The following C1QTNF1 variants were observed in gnomAD, a reference collection of about 807,000 sequenced individuals.
C1QTNF1 encodes complement C1q tumor necrosis factor-related protein 1.
In C1QTNF1, 22 loss-of-function variants were observed where a neutral mutation model predicts 27.8. That is an observed-to-expected ratio of 0.79 (90% confidence interval 0.56 to 1.13). The LOEUF (loss-of-function observed/expected upper bound fraction) is 1.13, where lower values mean the gene tolerates loss of function less well. C1QTNF1 is among the 50% of genes most tolerant of loss of function. The pLI, the probability that C1QTNF1 is intolerant of heterozygous loss-of-function variation, is 0.00. For missense variants in C1QTNF1, 373 were observed against 380.2 expected, an observed-to-expected ratio of 0.98 and a Z score of 0.16; for synonymous variants, 166 against 154.3, an observed-to-expected ratio of 1.08 and a Z score of -0.56.
chr17:79,032,335 G>A (rs778310066), intron 1 of C1QTNF1, among the ~76,000 whole-genome samples: 41 of 152,210 alleles, frequency 2.7e-4, no homozygotes, highest in Non-Finnish European at 4.1e-4. Context: ...GACCTCAAGT[G>A]TGATCTGTTA....
At chr17:79,023,247 G>T (rs746375295), upstream of C1QTNF1, among the ~76,000 whole-genome samples, 1 of 151,994 alleles carries the variant, frequency 6.6e-6, no homozygotes. Context: ...CAGGGCAGAG[G>T]GGGGAAAAAA....
chr17:79,039,100 C>T (rs1398472766), intron 1 of C1QTNF1, among the ~76,000 whole-genome samples: 5 of 151,158 alleles, frequency 3.3e-5, no homozygotes, highest in South Asian at 2.1e-4. Flanking sequence ...TCTCTTCTGA[C>T]CAAGGTGTGG....
intron 1 of C1QTNF1, among the ~76,000 whole-genome samples, chr17:79,038,200 G>C (rs2072310835): frequency 6.6e-6 from 1 of 152,126 alleles, no homozygotes; most frequent in Non-Finnish European, 1.5e-5. Flanking sequence ...ATGTTGGCCA[G>C]GCTGGTCTTG....
chr17:79,033,586 G>A (rs1319510868), intron 1 of C1QTNF1, among the ~76,000 whole-genome samples: 1 of 151,780 alleles, frequency 6.6e-6, no homozygotes, highest in African/African-American at 2.4e-5. Flanking sequence ...TGTGCTTGTA[G>A]TTCCAGCTAC....
At chr17:79,037,007 C>A (rs1471805127) in intron 1 of C1QTNF1, among the ~76,000 whole-genome samples, 1 of 152,248 alleles carries the variant, frequency 6.6e-6, no homozygotes, top group Non-Finnish European at 1.5e-5. Context: ...AACCCAGGCA[C>A]ATAGTCCCAG....
intron 1 of C1QTNF1, among the ~76,000 whole-genome samples, chr17:79,043,097 C>T (rs183937096): frequency 4.7e-4 from 69 of 146,632 alleles, no homozygotes; most frequent in African/African-American, 1.7e-3. Context: ...TATGTGTGTG[C>T]ATGTGTGCAT....
intron 1 of C1QTNF1, among the ~76,000 whole-genome samples, chr17:79,042,249 C>T (rs62063355): frequency 0.15 from 22,230 of 152,304 alleles, 2,096 homozygotes; most frequent in African/African-American, 0.26. Context: ...CCTGCGACTC[C>T]TGATGCCAGA....
intron 1 of C1QTNF1, among the ~76,000 whole-genome samples, chr17:79,033,534 A>T (rs2072189975): frequency 6.6e-6 from 1 of 151,762 alleles, no homozygotes; most frequent in Non-Finnish European, 1.5e-5. Flanking sequence ...CTGTCTCTAA[A>T]AAAAAAAAAT....
intron 1 of C1QTNF1, among the ~76,000 whole-genome samples, chr17:79,025,383 G>A (rs916743780): frequency 6.6e-6 from 1 of 152,176 alleles, no homozygotes; most frequent in African/African-American, 2.4e-5. Flanking sequence ...CCCTGCTTGG[G>A]AGGGAGGGAG....
intron 1 of C1QTNF1, among the ~76,000 whole-genome samples, chr17:79,030,481 TTCTTTTTCTTTCTTTCTTTCTTTCTTTC>T (rs2072101357): frequency 9.0e-6 from 1 of 110,812 alleles, no homozygotes; most frequent in African/African-American, 3.4e-5. Flanking sequence ...CTTTCTTTCT[TTCTTTTTCTTTCTTTCTTTCTTTCTTTC>T]TTTCTTTCTT....
intron 1 of C1QTNF1, among the ~76,000 whole-genome samples, chr17:79,037,996 C>CT (rs905139081): frequency 0.024 from 3,491 of 144,476 alleles, 99 homozygotes; most frequent in African/African-American, 0.078. Context: ...TTTTCTTTTT[C>CT]TTTTTTTTTT....
intron 1 of C1QTNF1, among the ~76,000 whole-genome samples, chr17:79,031,783 T>C (rs890217017): frequency 6.6e-6 from 1 of 152,240 alleles, no homozygotes; most frequent in East Asian, 1.9e-4. Flanking sequence ...ATGTAGGTGG[T>C]TTGTAACCTT....
At chr17:79,032,468 G>T (rs555180627) in intron 1 of C1QTNF1, among the ~76,000 whole-genome samples, 1 of 152,278 alleles carries the variant, frequency 6.6e-6, no homozygotes, top group South Asian at 2.1e-4. Flanking sequence ...GGAGCCAGGG[G>T]TGGCATTCAG....
intron 1 of C1QTNF1, among the ~76,000 whole-genome samples, chr17:79,039,923 G>C (rs1181472800): frequency 2.0e-5 from 3 of 151,868 alleles, no homozygotes; most frequent in Admixed American, 1.3e-4. Flanking sequence ...CCTTTTAACT[G>C]GTACAAGTTT....
upstream of C1QTNF1, chr17:79,023,134 A>G (rs1315132408): frequency 6.6e-6 from 1 of 151,938 alleles, no homozygotes; most frequent in East Asian, 1.9e-4. Flanking sequence ...CAGCATCCCC[A>G]TTTTCGCATC....
chr17:79,026,162 CT>C (rs562248895), intron 1 of C1QTNF1, among the ~76,000 whole-genome samples: 73 of 146,256 alleles, frequency 5.0e-4, no homozygotes, highest in African/African-American at 7.2e-4. Flanking sequence ...TCATATGCTT[CT>C]TTTTTTTTTT....
chr17:79,043,755 CGTGA>C, intron 1 of C1QTNF1, 196 bp from the exon 2 acceptor site: 1 of 684,754 alleles, frequency 1.5e-6, no homozygotes, highest in Non-Finnish European at 2.7e-6. Flanking sequence ...GTGAGTGCGT[CGTGA>C]GTGCGTGTAT....
Position 79,044,093 on chromosome 17 carries a change from A to T in C1QTNF1, c.125A>T (p.Glu42Val), listed in dbSNP as rs1427926267. The T allele has an allele frequency of 1.9e-6, 3 of 1,613,288 alleles. No homozygotes were observed. The highest frequency in any genetic ancestry group is 2.7e-5 in the African/African-American group (2 of 74,866). ...GEQQEWEGTE[E>V]LPSPPDHAER... ...CAGCAGGAGTGGGAGGGGACTGAGG[A>T]GCTGCCGTCGCCTCCGGACCATGCC... is the stretch of plus-strand genomic sequence containing the variant. Residue 42 changes from glutamate to valine, a missense_variant, in exon 2 of 4, where the codon GAG becomes GTG. Transcript: ENST00000579760.
rs1418434094 is a variant in C1QTNF1, at chr17:79,047,531, C to A, written c.296-7C>A. 2.6e-6 allele frequency: 4 copies of A among 1,521,534 alleles called. No homozygotes were observed. The East Asian group carries it at 6.8e-5, about 26-fold the overall frequency. 94.3% of individuals were successfully genotyped at this position (1,521,534 alleles called of 1,614,324 possible). Reference sequence around the variant, plus strand: ...ATTAACAGCACGCGTTTTCCCATCCCTTTTAGGGGAGAAGGGTGACCGCGG... The same window carrying A: ...ATTAACAGCACGCGTTTTCCCATCCATTTTAGGGGAGAAGGGTGACCGCGG... On this transcript the variant is annotated splice_region_variant and splice_polypyrimidine_tract_variant and intron_variant, in intron 3 of 3. Transcript: ENST00000579760.
Sources: gnomAD v4.1 joint callset for allele counts (sites outside exome capture counted in the v4.1 genomes callset) on GRCh38, gnomAD v4.1.1 for gene constraint, MANE v1.5 for transcripts, NCBI Gene and HGNC (gene_info 2026-07-23, HGNC 2026-07-21) for gene names.